AKT1S1: variants seen among roughly 807,000 people sequenced by gnomAD.
AKT1S1 encodes proline-rich AKT1 substrate 1.
A neutral mutation model predicts 21.2 loss-of-function variants in AKT1S1; 17 were observed. That is an observed-to-expected ratio of 0.80 (90% CI 0.55 to 1.20). The LOEUF is 1.20. AKT1S1 is among the 50% of genes most tolerant of loss of function. AKT1S1 has a pLI of 0.00. For missense variants in AKT1S1, 366 were observed against 368.3 expected, an observed-to-expected ratio of 0.99 and a Z score of 0.05; for synonymous variants, 181 against 165.6, an observed-to-expected ratio of 1.09 and a Z score of -0.72.
In AKT1S1 at chr19:49,869,929, C is replaced by T. The variant is rs945935427; in HGVS notation, c.759G>A (p.Lys253=). Residue 253 remains lysine (K), a synonymous_variant, in exon 5 of 5, where the codon AAG becomes AAA. Coordinates refer to ENST00000344175, the MANE Select transcript of AKT1S1 (RefSeq NM_001098633.4). ...RLNTSDFQKL[K]RKY ...CCCTCCCTGGACTTCAATATTTCCG[C>T]TTCAGCTTCTGGAAGTCGCTGGTGT... 6 of 1,525,102 alleles carry T rather than the reference C, an allele frequency of 3.9e-6. No homozygotes were observed. Among genetic ancestry groups the T allele is most frequent in the South Asian group, 1.2e-5 (1 of 82,572 alleles). The allele number at this position is 1,525,102 out of a possible 1,614,324, so 94.5% of individuals were successfully genotyped here. A position where few individuals can be genotyped will look rare whatever the true frequency, so the allele number is the denominator to read the frequency against.
At chr19:49,871,485 T>C (rs1454473154) in intron 4 of AKT1S1, 62 bp downstream of exon 4, 3 of 1,604,286 alleles carry the variant, frequency 1.9e-6, no homozygotes, top group Non-Finnish European at 8.5e-7. Flanking sequence ...GAGGGCTTCC[T>C]GGAGGAGGCG....
At chr19:49,876,180 T>G (rs1409932568) in intron 1 of AKT1S1, 1 of 1,009,992 alleles carries the variant, frequency 9.9e-7, no homozygotes, top group Non-Finnish European at 1.2e-6. Context: ...CACGCTCAGC[T>G]GCCCCGAGAC....
chr19:49,870,579 T>C (rs900024758), intron 4 of AKT1S1, among the ~76,000 whole-genome samples: 4 of 152,138 alleles, frequency 2.6e-5, no homozygotes, highest in African/African-American at 9.7e-5. Flanking sequence ...AAAAGATCCC[T>C]CGCTGTGTCA....
chr19:49,877,783 C>T (rs1441299396), upstream of AKT1S1: 59 of 1,567,036 alleles, frequency 3.8e-5, no homozygotes, highest in Non-Finnish European at 4.9e-5. Flanking sequence ...TCAGTGTATG[C>T]GAAACGCCCC....
At chr19:49,878,161 G>C (rs1319941193), upstream of AKT1S1, 1 of 1,578,332 alleles carries the variant, frequency 6.3e-7, no homozygotes. Flanking sequence ...TGAGAAGGGC[G>C]GAGTGTACCT....
chr19:49,876,483 T>G, intron 1 of AKT1S1: 1 of 1,235,648 alleles, frequency 8.1e-7, no homozygotes, highest in Non-Finnish European at 1.0e-6. Context: ...GGCAGACCTC[T>G]GCCCTCTGAT....
chr19:49,877,711 T>C (rs762855544), upstream of AKT1S1: 1 of 1,600,610 alleles, frequency 6.2e-7, no homozygotes, highest in East Asian at 2.3e-5. Context: ...CAGTGGGGCC[T>C]TCGGCGGCGA....
chr19:49,875,133 C>G (rs2074925508), intron 1 of AKT1S1: 1 of 152,278 alleles, frequency 6.6e-6, no homozygotes, highest in South Asian at 2.1e-4. Flanking sequence ...TTTACAGTTG[C>G]AAACTCAGGC....
chr19:49,875,934 C>A, intron 1 of AKT1S1: 2 of 985,344 alleles, frequency 2.0e-6, no homozygotes, highest in Non-Finnish European at 2.4e-6. Context: ...AGGAAGAACC[C>A]GCCCCGATAG....
chr19:49,877,714 G>C (rs1555814226), upstream of AKT1S1: 4 of 1,600,566 alleles, frequency 2.5e-6, no homozygotes, highest in Admixed American at 1.7e-5. Flanking sequence ...TGGGGCCTTC[G>C]GCGGCGACTA....
rs200707263 is a variant in AKT1S1 at position 49,873,197 on chromosome 19, C to T, written c.99G>A (p.Ala33=). 3.7e-4 allele frequency: 562 copies of T among 1,528,776 alleles called. 1 individual carries two copies. In the African/African-American group the frequency reaches 6.7e-3, roughly 18 times the overall value. 94.7% of individuals were successfully genotyped at this position (1,528,776 alleles called of 1,614,324 possible). A position where few individuals can be genotyped will look rare whatever the true frequency, so the allele number is the denominator to read the frequency against. ...RTGTELVLLT[A]APPPPPRPGP... ...CCGGGCGGGGTGGTGGCGGCGGGGC[C>T]GCGGTCAGCAGCACCAGCTCCGTGC... Residue 33 remains alanine, a synonymous_variant, in exon 2 of 5, where the codon GCG becomes GCA. Transcript: ENST00000344175. This position sits in a 1 kb window ranked among gnomAD's most constrained non-coding sequence, Gnocchi z 6.9.
chr19:49,874,470 C>T (rs2074919137), intron 1 of AKT1S1: 1 of 152,280 alleles, frequency 6.6e-6, no homozygotes, highest in Non-Finnish European at 1.5e-5. Flanking sequence ...GGGCTTCCTC[C>T]ATGAGCATTC....
chr19:49,877,611 C>A (rs573728355), upstream of AKT1S1: 3 of 1,189,768 alleles, frequency 2.5e-6, no homozygotes, highest in East Asian at 5.2e-5. Context: ...TTCTCTAGAA[C>A]GGGTCGGGCC....
At chr19:49,878,083 G>T, upstream of AKT1S1, 1 of 1,398,526 alleles carries the variant, frequency 7.2e-7, no homozygotes. Context: ...CGTCCCTATT[G>T]GCTCCCCAGG....
chr19:49,877,591 C>T (rs2074964653), upstream of AKT1S1: 2 of 942,650 alleles, frequency 2.1e-6, no homozygotes, highest in Admixed American at 3.0e-5. Context: ...AAAATGGTTT[C>T]ACCCGCTCCT....
intron 1 of AKT1S1, chr19:49,876,101 G>C (rs1182661235): frequency 2.0e-6 from 2 of 987,314 alleles, no homozygotes; most frequent in African/African-American, 1.7e-5. Context: ...CGAAATTTTA[G>C]TACCCCACAC....
intron 1 of AKT1S1, chr19:49,874,848 G>A (rs566645770): frequency 2.0e-5 from 3 of 152,418 alleles, no homozygotes; most frequent in East Asian, 3.9e-4. Flanking sequence ...AGGGTGAAGG[G>A]AGCAGGGAGT....
chr19:49,877,693 A>C (rs776938150), upstream of AKT1S1: 2 of 1,597,418 alleles, frequency 1.3e-6, no homozygotes, highest in Non-Finnish European at 8.5e-7. Context: ...GAAAAGGAGG[A>C]GGCGGGGCAG....
At chr19:49,878,268 A>T (rs771165808), upstream of AKT1S1, 14 of 1,546,686 alleles carry the variant, frequency 9.1e-6, no homozygotes, top group South Asian at 1.7e-4. Flanking sequence ...CAGGGCTCGG[A>T]CCCGCTCCGA....
Sources: allele counts gnomAD v4.1 joint callset (sites outside exome capture counted in the v4.1 genomes callset), GRCh38; gene constraint gnomAD v4.1.1; non-coding constraint Gnocchi (gnomAD v3.1); transcripts MANE v1.5; gene names NCBI Gene and HGNC (gene_info 2026-07-23, HGNC 2026-07-21).